The following CDC5L variants were observed in gnomAD, a reference collection of about 807,000 sequenced individuals.
The protein encoded by CDC5L is cell division cycle 5-like protein.
CDC5L carries 18 observed loss-of-function variants against 104.1 expected under a neutral mutation model. That is an observed-to-expected ratio of 0.17 (90% CI 0.12 to 0.26). CDC5L has a LOEUF of 0.26. CDC5L is among the 10% of genes least tolerant of loss of function. The probability of loss-of-function intolerance (pLI) is 1.00; values close to 1 mark genes in which losing one functional copy is unlikely to be tolerated. For synonymous variants in CDC5L, 331 were observed against 322.7 expected, an observed-to-expected ratio of 1.03 and a Z score of -0.28; for missense variants, 673 against 956.9, an observed-to-expected ratio of 0.70 and a Z score of 3.91.
rs1036711242 is a variant in CDC5L at position 44,447,662 on chromosome 6, C to T, written c.*951C>T. ...AAGGGAAGGGATTCATTCATTCATT[C>T]GATATTGAATGTATACCCTGTGCCA... is the stretch of plus-strand genomic sequence containing the variant. On this transcript the variant is annotated 3_prime_UTR_variant, in exon 16 of 16. Coordinates refer to ENST00000371477, the MANE Select transcript of CDC5L (RefSeq NM_001253.4). 2.0e-5 allele frequency: 3 copies of T among 151,976 alleles called. No individual in the cohort carries two copies. Among genetic ancestry groups the T allele is most frequent in the Admixed American group, 6.6e-5 (1 of 15,256 alleles). 9.4% of individuals were successfully genotyped at this position (151,976 alleles called of 1,614,324 possible). A position where few individuals can be genotyped will look rare whatever the true frequency, so the allele number is the denominator to read the frequency against.
At chr6:44,440,903 T>G (rs888603281) in intron 14 of CDC5L, among the ~76,000 whole-genome samples, 3 of 152,098 alleles carry the variant, frequency 2.0e-5, no homozygotes, top group Non-Finnish European at 2.9e-5. Context: ...AGATGGCGTT[T>G]CACCATCTTG....
At chr6:44,421,572 G>A (rs569940416) in intron 9 of CDC5L, among the ~76,000 whole-genome samples, 1 of 152,268 alleles carries the variant, frequency 6.6e-6, no homozygotes, top group Admixed American at 6.5e-5. Context: ...CATTTCCTAT[G>A]TTTAGTCGGC....
chr6:44,427,376 C>T (rs1235597600), intron 13 of CDC5L, among the ~76,000 whole-genome samples: 1 of 152,140 alleles, frequency 6.6e-6, no homozygotes, highest in African/African-American at 2.4e-5. Flanking sequence ...GCAGAGTGGT[C>T]ATTAGCTTAA....
chr6:44,395,377 T>C (rs1418473405), intron 4 of CDC5L, among the ~76,000 whole-genome samples: 1 of 152,206 alleles, frequency 6.6e-6, no homozygotes, highest in East Asian at 1.9e-4. Context: ...TAAAGTATGA[T>C]GTATCAGTTA....
chr6:44,450,015 C>G lies in CDC5L; in HGVS notation c.*3304C>G, dbSNP rs1351535853. The G allele has an allele frequency of 1.4e-5, 2 of 143,736 alleles. No homozygotes were observed. Among genetic ancestry groups the G allele is most frequent in the Non-Finnish European group, 3.0e-5 (2 of 67,024 alleles). The allele number at this position is 143,736 out of a possible 1,614,324, so 8.9% of individuals were successfully genotyped here. On this transcript the variant is annotated 3_prime_UTR_variant, in exon 16 of 16. Transcript: ENST00000371477. ...AGTAGCTGGGACTACAGGCATGTGC[C>G]ACCGCACCTGGCTAATTTTTGTGTT...
chr6:44,426,322 CTT>C (rs2153381762), intron 12 of CDC5L, 139 bp downstream of exon 12: 1 of 777,958 alleles, frequency 1.3e-6, no homozygotes. Flanking sequence ...CAAATCCAAT[CTT>C]TAAAATGTTT....
intron 4 of CDC5L, 59 bp downstream of exon 4, chr6:44,393,632 C>G: frequency 6.6e-7 from 1 of 1,524,648 alleles, no homozygotes; most frequent in Non-Finnish European, 8.9e-7. Context: ...TTGGGCCTCA[C>G]TCTTTTAGTT....
intron 6 of CDC5L, among the ~76,000 whole-genome samples, chr6:44,406,106 T>C (rs1791353226): frequency 6.6e-6 from 1 of 152,132 alleles, no homozygotes; most frequent in Non-Finnish European, 1.5e-5. Context: ...TTCGCCACGT[T>C]GGCCAGGCTG....
At chr6:44,415,441 G>T (rs1006581033) in intron 8 of CDC5L, among the ~76,000 whole-genome samples, 1 of 152,110 alleles carries the variant, frequency 6.6e-6, no homozygotes, top group Non-Finnish European at 1.5e-5. Flanking sequence ...TAGAATAGAG[G>T]TTTATTTCTG....
At chr6:44,428,303 C>T (rs1030459218) in intron 13 of CDC5L, among the ~76,000 whole-genome samples, 1 of 151,800 alleles carries the variant, frequency 6.6e-6, no homozygotes, top group East Asian at 1.9e-4. Flanking sequence ...GATGATTTTC[C>T]GTTTCTTTTG....
chr6:44,448,466 G>A lies in CDC5L; in HGVS notation c.*1755G>A, dbSNP rs142184450. On this transcript the variant is annotated 3_prime_UTR_variant, in exon 16 of 16. Transcript: ENST00000371477. ...GATAGGGAAGCCAGTCCAATTAGGAGCCTGATGCAGTGATCCAGACAAAAA... is the reference window on the plus strand; with the variant it reads ...GATAGGGAAGCCAGTCCAATTAGGAACCTGATGCAGTGATCCAGACAAAAA... The A allele has an allele frequency of 8.5e-5, 13 of 152,296 alleles. No homozygotes were observed. The highest frequency in any genetic ancestry group is 3.1e-4 in the African/African-American group (13 of 41,552). The allele number at this position is 152,296 out of a possible 1,614,324, so 9.4% of individuals were successfully genotyped here.
chr6:44,428,164 GA>G (rs2153382055), intron 13 of CDC5L, among the ~76,000 whole-genome samples: 1 of 152,274 alleles, frequency 6.6e-6, no homozygotes, highest in Non-Finnish European at 1.5e-5. Context: ...GTTTCAGAGT[GA>G]AATAGCATTT....
At chr6:44,388,552 G>T (rs1248165416) in intron 1 of CDC5L, among the ~76,000 whole-genome samples, 1 of 148,902 alleles carries the variant, frequency 6.7e-6, no homozygotes, top group African/African-American at 2.4e-5. Context: ...CAGTAGAGTG[G>T]GAGTGAAATA....
At chr6:44,394,332 C>G (rs1006105241) in intron 4 of CDC5L, among the ~76,000 whole-genome samples, 1 of 152,138 alleles carries the variant, frequency 6.6e-6, no homozygotes, top group Non-Finnish European at 1.5e-5. Flanking sequence ...CTTGAAGATC[C>G]TGTTTCTCAT....
chr6:44,387,947 G>A lies in CDC5L; in HGVS notation c.45+79G>A, dbSNP rs1790408557. The A allele has an allele frequency of 2.9e-6, 4 of 1,372,248 alleles. No individual in the cohort carries two copies. In the South Asian group the frequency reaches 3.7e-5, roughly 13 times the overall value. 85.0% of individuals were successfully genotyped at this position (1,372,248 alleles called of 1,614,324 possible). ...GCGCACGCGCGCGGAGGTCGGGGGGGCGACGAGGAGACCCTGTGGGGTCTG... is the reference window on the plus strand; with the variant it reads ...GCGCACGCGCGCGGAGGTCGGGGGGACGACGAGGAGACCCTGTGGGGTCTG... On this transcript the variant is annotated intron_variant, in intron 1 of 15. Coordinates refer to ENST00000371477, the MANE Select transcript of CDC5L (RefSeq NM_001253.4).
intron 5 of CDC5L, among the ~76,000 whole-genome samples, chr6:44,401,710 T>C (rs1429547252): frequency 2.6e-5 from 4 of 151,720 alleles, no homozygotes; most frequent in Admixed American, 2.0e-4. Context: ...ATGTGCAGGT[T>C]AGTTACATAT....
At chr6:44,420,577 C>T (rs1405707865) in intron 9 of CDC5L, among the ~76,000 whole-genome samples, 3 of 152,010 alleles carry the variant, frequency 2.0e-5, no homozygotes, top group East Asian at 1.9e-4. Context: ...AGGCTGGTCT[C>T]GAACTCCTGA....
At chr6:44,443,091 C>CT (rs1793283406) in intron 14 of CDC5L, among the ~76,000 whole-genome samples, 1 of 150,428 alleles carries the variant, frequency 6.6e-6, no homozygotes, top group South Asian at 2.1e-4. Context: ...GTCTCTCTTT[C>CT]TTTTCTTTTC....
rs1250020449 is a variant in CDC5L, at chr6:44,422,741, G to A, written c.1336G>A (p.Asp446Asn). The change falls in exon 10 of 16, where the codon GAC (aspartate) becomes AAC (asparagine). Residue 446 changes from aspartate (D) to asparagine (N), a missense_variant. Transcript: ENST00000371477. ...TACTCCGGGTAGAACTCCTCTTCGA[G>A]ACAAGTTAAACATTAATCCCGAGGA... ...NSTPGRTPLR[D>N]KLNINPEDGM... 1 of 1,612,984 alleles carries A rather than the reference G, an allele frequency of 6.2e-7. No homozygotes were observed. Among genetic ancestry groups the A allele is most frequent in the African/African-American group, 1.3e-5 (1 of 74,822 alleles).
Sources: allele counts gnomAD v4.1 joint callset (sites outside exome capture counted in the v4.1 genomes callset), GRCh38; gene constraint gnomAD v4.1.1; transcripts MANE v1.5; gene names NCBI Gene and HGNC (gene_info 2026-07-23, HGNC 2026-07-21).